AMOTL2: variants seen among roughly 807,000 people sequenced by gnomAD.
AMOTL2 encodes angiomotin like 2, also known as angiomotin-like protein 2.
Under a neutral mutation model 78.4 loss-of-function variants are expected in AMOTL2, and 33 were observed. The ratio of observed to expected loss-of-function variants is 0.42; its 90% confidence interval spans 0.32 to 0.56. The LOEUF (loss-of-function observed/expected upper bound fraction) is 0.56. Ranked by LOEUF, AMOTL2 falls within the 20% of genes least tolerant of loss-of-function variation. AMOTL2 has a pLI of 0.12. For missense variants in AMOTL2, 983 were observed against 1,030.1 expected (o/e 0.95, Z 0.63); for synonymous variants, 422 against 428.8 (o/e 0.98, Z 0.20).
rs546120780 is a variant in AMOTL2, at chr3:134,367,686, G to A, written c.852C>T (p.Pro284=). ...PPHPAALGHG[P]LSSLSPPAVE... is the part of the protein sequence containing the mutation. ...CAGCAGGTGGACTGAGGGAGCTCAG[G>A]GGGCCATGGCCGAGAGCAGCTGGAT... Residue 284 remains proline, a synonymous_variant, in exon 3 of 10, where the codon CCC becomes CCT. Transcript: ENST00000249883. The A allele has an allele frequency of 8.1e-6, 13 of 1,613,510 alleles. No homozygotes were observed. The Admixed American group carries it at 1.8e-4, about 23-fold the overall frequency.
chr3:134,371,983 G>C (rs957531098), intron 1 of AMOTL2: 3 of 162,460 alleles, frequency 1.8e-5, no homozygotes, highest in African/African-American at 7.2e-5. Flanking sequence ...TCAGTCTAGG[G>C]GTGGATGGGG....
chr3:134,366,471 C>T (rs758509186), intron 3 of AMOTL2, 44 bp from the exon 4 acceptor site: 3 of 1,585,686 alleles, frequency 1.9e-6, no homozygotes, highest in South Asian at 2.3e-5. Flanking sequence ...CGAGAGCTCC[C>T]AGGGAGTGAT....
chr3:134,370,930 C>T lies in AMOTL2; in HGVS notation c.504G>A (p.Glu168=), dbSNP rs1183309043. The change falls in exon 2 of 10, where the codon GAG becomes GAA. Residue 168 remains glutamate, a synonymous_variant. Transcript: ENST00000249883. ...LSERLLQLSL[E]RNGARAPSHM... ...GGCTGGGGGCCCGGGCGCCGTTCCT[C>T]TCCAGGGACAACTGAAGGAGCCGTT... The T allele has an allele frequency of 6.2e-7, 1 of 1,612,202 alleles. No individual in the cohort carries two copies. The highest frequency in any genetic ancestry group is 8.5e-7 in the Non-Finnish European group (1 of 1,179,444).
intron 7 of AMOTL2, 95 bp from the exon 8 acceptor site, chr3:134,359,598 C>CT (rs557111746): frequency 6.0e-6 from 6 of 1,004,400 alleles, no homozygotes; most frequent in East Asian, 5.2e-5. Context: ...AAAGCCCCCC[C>CT]CAACTCCCCC....
chr3:134,373,390 C>A (rs2017953233), intron 1 of AMOTL2: 3 of 873,330 alleles, frequency 3.4e-6, no homozygotes, highest in Non-Finnish European at 4.1e-6. Context: ...GGACTGGGAG[C>A]AAGGAACATC....
chr3:134,357,607 G>T lies in AMOTL2; in HGVS notation c.*98C>A, dbSNP rs2017129918. On this transcript the variant is annotated 3_prime_UTR_variant, in exon 10 of 10. Transcript: ENST00000249883. ...GGAATGAGTGTCTGGCTGGGGAAAG[G>T]GACGGAGCAGCGGTTGACGGGGCTG... 2.4e-6 allele frequency: 3 copies of T among 1,247,724 alleles called. No homozygotes were observed. Among genetic ancestry groups the T allele is most frequent in the Non-Finnish European group, 3.5e-6 (3 of 848,162 alleles). 77.3% of individuals were successfully genotyped at this position (1,247,724 alleles called of 1,614,324 possible). A position where few individuals can be genotyped will look rare whatever the true frequency, so the allele number is the denominator to read the frequency against.
chr3:134,374,060 T>C (rs1345787669), intron 1 of AMOTL2: 1 of 176,996 alleles, frequency 5.6e-6, no homozygotes, highest in Non-Finnish European at 9.3e-6. Flanking sequence ...CGAAACACTG[T>C]GGCTGTTGTC....
chr3:134,372,417 G>A (rs1373106096), intron 1 of AMOTL2, among the ~76,000 whole-genome samples: 1 of 135,210 alleles, frequency 7.4e-6, no homozygotes, highest in East Asian at 2.4e-4. Flanking sequence ...AGGCAAAAAG[G>A]TGCCACCCAT....
At chr3:134,360,495 T>C in intron 6 of AMOTL2, 82 bp from the exon 7 acceptor site, 1 of 1,196,616 alleles carries the variant, frequency 8.4e-7, no homozygotes, top group South Asian at 1.4e-5. Flanking sequence ...CACACGACTG[T>C]CACTTGTACA....
intron 6 of AMOTL2, among the ~76,000 whole-genome samples, chr3:134,360,796 T>C (rs2017321032): frequency 6.6e-6 from 1 of 151,776 alleles, no homozygotes; most frequent in African/African-American, 2.4e-5. Context: ...ACACCAAGAG[T>C]TGTTTACACA....
intron 3 of AMOTL2, 200 bp from the exon 4 acceptor site, chr3:134,366,627 C>A (rs138881975): frequency 1.9e-6 from 1 of 538,576 alleles, no homozygotes. Flanking sequence ...CAGCAAGCAA[C>A]GGTCCCATCG....
In AMOTL2 at chr3:134,360,326, T is replaced by C; in HGVS notation, c.1663A>G (p.Lys555Glu). ...TCCAGCGCCAGGATCTGCTCCTCCTTCTCTCGCAGTTGTTCTGACAGTCGC... is the reference window on the plus strand; with the variant it reads ...TCCAGCGCCAGGATCTGCTCCTCCTCCTCTCGCAGTTGTTCTGACAGTCGC... ...ALRLSEQLRE[K>E]EEQILALEAD... The change falls in exon 7 of 10, where the codon AAG becomes GAG. Residue 555 changes from lysine to glutamate, a missense_variant. Physicochemically the swap from Lys to Glu is moderately conservative, Grantham distance 56. Transcript: ENST00000249883. 1.2e-6 allele frequency: 2 copies of C among 1,614,152 alleles called. No homozygotes were observed. The highest frequency in any genetic ancestry group is 1.7e-6 in the Non-Finnish European group (2 of 1,180,028).
In AMOTL2 at chr3:134,371,316, T is replaced by C. The variant is rs2017852184; in HGVS notation, c.118A>G (p.Arg40Gly). ...GTACCCCCAGTTCCAGCCCCACCCC[T>C]CAGGGCCTGCTGCTGGATGGCTAGC... Reference protein sequence around the residue: ...TLLAIQQQALRGGAGTGGTGS... With the variant: ...TLLAIQQQALGGGAGTGGTGS... Residue 40 changes from arginine to glycine, a missense_variant, in exon 2 of 10, where the codon AGG (arginine) becomes GGG (glycine). Physicochemically the swap from Arg to Gly is moderately radical, Grantham distance 125. Coordinates refer to ENST00000249883, the MANE Select transcript of AMOTL2 (RefSeq NM_016201.4). 1.2e-6 allele frequency: 2 copies of C among 1,612,174 alleles called. No individual in the cohort carries two copies.
chr3:134,359,361 C>T lies in AMOTL2; in HGVS notation c.2026G>A (p.Ala676Thr). 1 of 1,614,236 alleles carries T rather than the reference C, an allele frequency of 6.2e-7. No homozygotes were observed. The highest frequency in any genetic ancestry group is 8.5e-7 in the Non-Finnish European group (1 of 1,180,044). The change falls in exon 8 of 10, where the codon GCA becomes ACA. Residue 676 changes from alanine to threonine, a missense_variant. Transcript: ENST00000249883. ...KSVPSVFAAA[A>T]AGTQGWQGLS... is the part of the protein sequence containing the mutation. ...CCTTGCCAGCCCTGGGTTCCTGCTG[C>T]CGCAGCCGCGAAAACAGATGGCACC...
At position 134,356,500 on chromosome 3, in the gene AMOTL2, G is replaced by A. The variant is rs898669514; in HGVS notation, c.*1205C>T. ...GCATCTGGTGCTGCTTTAGGGCGCT[G>A]GGCATGGGTAGCTTGAGGAGCCAGC... On this transcript the variant is annotated 3_prime_UTR_variant, in exon 10 of 10. Coordinates refer to ENST00000249883, the MANE Select transcript of AMOTL2 (RefSeq NM_016201.4). 2 of 152,610 alleles carry A rather than the reference G, an allele frequency of 1.3e-5. No individual in the cohort carries two copies. Among genetic ancestry groups the A allele is most frequent in the East Asian group, 3.8e-4 (2 of 5,196 alleles). The allele number at this position is 152,610 out of a possible 1,614,324, so 9.5% of individuals were successfully genotyped here. A position where few individuals can be genotyped will look rare whatever the true frequency, so the allele number is the denominator to read the frequency against.
chr3:134,367,588 A>G lies in AMOTL2; in HGVS notation c.950T>C (p.Val317Ala), dbSNP rs768231620. The G allele has an allele frequency of 6.2e-7, 1 of 1,613,534 alleles. No individual in the cohort carries two copies. Among genetic ancestry groups the G allele is most frequent in the Admixed American group, 1.7e-5 (1 of 60,024 alleles). Residue 317 changes from valine to alanine, a missense_variant, in exon 3 of 10, where the codon GTG becomes GCG. Transcript: ENST00000249883. ...CTGCAGCCTGGCATTCTCCCTCAGC[A>G]CGGCCTCCATCTGGGCCAGGTGGGC... The part of the protein sequence containing the change: ...GSAHLAQMEA[V>A]LRENARLQRD...
chr3:134,364,529 C>A (rs1027766320), intron 5 of AMOTL2, among the ~76,000 whole-genome samples: 1 of 152,052 alleles, frequency 6.6e-6, no homozygotes, highest in African/African-American at 2.4e-5. Flanking sequence ...GGGCTGCCCC[C>A]TCCCCTTTCT....
At chr3:134,361,879 G>A in intron 5 of AMOTL2, 72 bp from the exon 6 acceptor site, 1 of 1,316,360 alleles carries the variant, frequency 7.6e-7, no homozygotes, top group South Asian at 1.5e-5. Context: ...TGGGCTCAGT[G>A]CTGACCACTG....
At chr3:134,368,733 C>T (rs2017718669) in intron 2 of AMOTL2, among the ~76,000 whole-genome samples, 1 of 152,162 alleles carries the variant, frequency 6.6e-6, no homozygotes, top group Non-Finnish European at 1.5e-5. Flanking sequence ...AAATGTGGCC[C>T]AAACTCTTGG....
Sources: gnomAD v4.1 joint callset for allele counts (sites outside exome capture counted in the v4.1 genomes callset) on GRCh38, gnomAD v4.1.1 for gene constraint, MANE v1.5 for transcripts, NCBI Gene and HGNC (gene_info 2026-07-23, HGNC 2026-07-21) for gene names.